The following CCL28 variants were observed in gnomAD, a reference collection of about 807,000 sequenced individuals.
CCL28 encodes the protein C-C motif chemokine 28.
CCL28 carries 4 observed loss-of-function variants against 7.1 expected under a neutral mutation model. The ratio of observed to expected loss-of-function variants is 0.56; its 90% CI spans 0.28 to 1.29. The LOEUF (loss-of-function observed/expected upper bound fraction) is 1.29, where lower values mean the gene tolerates loss of function less well. CCL28 is among the 50% of genes most tolerant of loss of function. The pLI is 0.11. For synonymous variants in CCL28, 55 were observed against 57.8 expected (o/e 0.95, Z 0.22); for missense variants, 151 against 163.4 (o/e 0.92, Z 0.41).
chr5:43,400,910 C>T (rs1332461170), intron 1 of CCL28, among the ~76,000 whole-genome samples: 4 of 151,768 alleles, frequency 2.6e-5, no homozygotes, highest in South Asian at 2.1e-4. Flanking sequence ...GGTGAAACCC[C>T]GTCTCTACTA....
chr5:43,388,445 C>T lies in CCL28; in HGVS notation c.96G>A (p.Thr32=), dbSNP rs750897561. 1.1e-5 allele frequency: 17 copies of T among 1,613,740 alleles called. No homozygotes were observed. Among genetic ancestry groups the T allele is most frequent in the African/African-American group, 1.3e-5 (1 of 74,850 alleles). The part of the protein sequence containing the change: ...AILPIASSCC[T]EVSHHISRRL... ...TTCTGGAAATATGATGTGAAACCTC[C>T]GTGCAACAGCTGGAGGCAATGGGAA... Residue 32 remains threonine, a synonymous_variant, in exon 2 of 3, where the codon ACG becomes ACA. Transcript: ENST00000361115.
At chr5:43,358,164 C>G in the CCL28 span, among the ~76,000 whole-genome samples, 48 of 152,186 alleles carry the variant, frequency 3.2e-4, no homozygotes, top group African/African-American at 1.0e-3. Flanking sequence ...TGAGGCAAAG[C>G]TGTAATATTT....
the CCL28 span, among the ~76,000 whole-genome samples, chr5:43,364,706 T>A: frequency 2.0e-5 from 3 of 152,194 alleles, no homozygotes; most frequent in African/African-American, 7.2e-5. Context: ...TCTTTGTAGG[T>A]CTCTAAGAAC....
chr5:43,386,970 A>G (rs572117492), intron 2 of CCL28, among the ~76,000 whole-genome samples: 2 of 152,334 alleles, frequency 1.3e-5, no homozygotes, highest in South Asian at 4.1e-4. Context: ...ATAATTGTTA[A>G]TTCATAAATA....
the CCL28 span, among the ~76,000 whole-genome samples, chr5:43,370,197 C>T: frequency 3.3e-5 from 5 of 152,190 alleles, no homozygotes; most frequent in Admixed American, 3.3e-4. Context: ...TAATAAATTA[C>T]TGTTGTTTTA....
chr5:43,369,055 AG>A, the CCL28 span, among the ~76,000 whole-genome samples: 3 of 44,684 alleles, frequency 6.7e-5, no homozygotes, highest in Non-Finnish European at 1.4e-4. Flanking sequence ...AGAGAGAGAG[AG>A]AGAGAGAGAG....
At chr5:43,359,809 C>G in the CCL28 span, among the ~76,000 whole-genome samples, 1 of 152,090 alleles carries the variant, frequency 6.6e-6, no homozygotes, top group Non-Finnish European at 1.5e-5. Flanking sequence ...CTTTTGCATT[C>G]TGGCAACTGA....
At chr5:43,369,794 C>T in the CCL28 span, among the ~76,000 whole-genome samples, 2 of 152,160 alleles carry the variant, frequency 1.3e-5, no homozygotes, top group Admixed American at 6.5e-5. Flanking sequence ...ATGAATCTTA[C>T]CTCCTGGTAT....
chr5:43,403,588 T>G lies in CCL28; in HGVS notation c.64+8665A>C, dbSNP rs1252517477. Among the ~76,000 whole-genome samples, 3 of 152,042 alleles carry G rather than the reference T, an allele frequency of 2.0e-5. No individual in the cohort carries two copies. The South Asian group carries it at 6.2e-4, about 32-fold the overall frequency. On this transcript the variant is annotated intron_variant, in intron 1 of 2. Coordinates refer to ENST00000361115, the MANE Select transcript of CCL28 (RefSeq NM_148672.3). ...AACAGAGCAGAAAAACTGACAAATC[T>G]AAAAATCAGAGTGCCTTTCCTCCTC...
At position 43,379,753 on chromosome 5, in the gene CCL28, G is replaced by A. The variant is rs1165150919; in HGVS notation, c.*2107C>T. On this transcript the variant is annotated 3_prime_UTR_variant, in exon 3 of 3. Transcript: ENST00000361115. ...ATTGGCTTCTTATGAACACTACTGG[G>A]CTCTTACCTATCTATCTTGAAGCCT... 3 of 152,104 alleles carry A rather than the reference G, an allele frequency of 2.0e-5. No homozygotes were observed. The highest frequency in any genetic ancestry group is 7.2e-5 in the African/African-American group (3 of 41,408). The allele number at this position is 152,104 out of a possible 1,614,324, so 9.4% of individuals were successfully genotyped here.
the CCL28 span, among the ~76,000 whole-genome samples, chr5:43,359,555 G>A: frequency 6.6e-6 from 1 of 152,212 alleles, no homozygotes; most frequent in South Asian, 2.1e-4. Context: ...TAGCCATCAT[G>A]AACATGTCAC....
At chr5:43,367,280 GA>G in the CCL28 span, among the ~76,000 whole-genome samples, 6 of 152,192 alleles carry the variant, frequency 3.9e-5, no homozygotes, top group East Asian at 1.9e-4. Flanking sequence ...AATGGGGTAT[GA>G]AAAAAAATCT....
intron 2 of CCL28, among the ~76,000 whole-genome samples, chr5:43,382,686 AAAACTT>A (rs1740168504): frequency 1.3e-5 from 2 of 152,204 alleles, no homozygotes; most frequent in Admixed American, 6.5e-5. Flanking sequence ...AAACTAATTT[AAAACTT>A]AAACTTAATT....
chr5:43,410,660 C>G (rs1368882620), intron 1 of CCL28, among the ~76,000 whole-genome samples: 1 of 152,160 alleles, frequency 6.6e-6, no homozygotes, highest in Non-Finnish European at 1.5e-5. Context: ...TCCCTCCTTT[C>G]CTGTAGGAGA....
the CCL28 span, among the ~76,000 whole-genome samples, chr5:43,363,321 C>T: frequency 6.6e-6 from 1 of 152,260 alleles, no homozygotes; most frequent in African/African-American, 2.4e-5. Context: ...GGGCTAGGCA[C>T]CAGGAATACA....
the CCL28 span, among the ~76,000 whole-genome samples, chr5:43,368,531 C>T: frequency 6.6e-5 from 10 of 152,190 alleles, no homozygotes; most frequent in African/African-American, 1.4e-4. Flanking sequence ...TTTCCTTTCC[C>T]ATTCCCATAG....
At chr5:43,382,297 G>A (rs982818045) in intron 2 of CCL28, among the ~76,000 whole-genome samples, 3 of 152,006 alleles carry the variant, frequency 2.0e-5, no homozygotes, top group African/African-American at 7.2e-5. Context: ...TTAAAAGAAA[G>A]AGAAGGAGAA....
chr5:43,408,921 C>T (rs1741420116), intron 1 of CCL28, among the ~76,000 whole-genome samples: 1 of 138,416 alleles, frequency 7.2e-6, no homozygotes, highest in Non-Finnish European at 1.5e-5. Flanking sequence ...ATGAGAGTCT[C>T]ACTCTTTCAC....
intron 1 of CCL28, among the ~76,000 whole-genome samples, chr5:43,406,224 T>C (rs575396091): frequency 2.5e-4 from 38 of 152,284 alleles, no homozygotes; most frequent in African/African-American, 8.2e-4. Flanking sequence ...ATATCCTTGA[T>C]GAACATCGAT....
Sources: allele counts gnomAD v4.1 joint callset (sites outside exome capture counted in the v4.1 genomes callset), GRCh38; gene constraint gnomAD v4.1.1; transcripts MANE v1.5; gene names NCBI Gene and HGNC (gene_info 2026-07-23, HGNC 2026-07-21).